Variants in CDC20B observed in about 807,000 individuals in gnomAD.
CDC20B encodes the protein cell division cycle protein 20 homolog B.
CDC20B carries 58 observed loss-of-function variants against 64.1 expected under a neutral mutation model. The observed-to-expected ratio is 0.90, with a 90% CI of 0.73 to 1.13. The LOEUF (loss-of-function observed/expected upper bound fraction) is 1.13. Ranked by LOEUF, CDC20B falls within the 50% of genes most tolerant of loss-of-function variation. The pLI is 0.00. For synonymous variants in CDC20B, 243 were observed against 230.6 expected (o/e 1.05, Z -0.49); for missense variants, 597 against 633.0 (o/e 0.94, Z 0.61).
intron 2 of CDC20B, chr5:55,160,204 T>C: frequency 1.2e-6 from 2 of 1,613,914 alleles, no homozygotes; most frequent in Non-Finnish European, 1.7e-6. Flanking sequence ...TGGAGCCTCT[T>C]GCAGCTTACC....
At chr5:55,126,869 A>G (rs1742906163) in intron 8 of CDC20B, among the ~76,000 whole-genome samples, 1 of 152,250 alleles carries the variant, frequency 6.6e-6, no homozygotes, top group Admixed American at 6.5e-5. Flanking sequence ...CTGTGGGTCT[A>G]TGAATTGGAA....
intron 11 of CDC20B, among the ~76,000 whole-genome samples, chr5:55,119,171 C>T (rs956867390): frequency 3.3e-5 from 5 of 152,144 alleles, no homozygotes; most frequent in East Asian, 1.9e-4. Flanking sequence ...GTTCTTGCAT[C>T]GACCACCAGT....
At chr5:55,169,703 C>T (rs1744525554) in intron 2 of CDC20B, among the ~76,000 whole-genome samples, 2 of 152,162 alleles carry the variant, frequency 1.3e-5, no homozygotes, top group African/African-American at 4.8e-5. Context: ...CTTGATATTT[C>T]AAGTGAAAAA....
intron 8 of CDC20B, chr5:55,126,466 C>CAAAAAGAAA (rs1742893948): frequency 1.0e-5 from 1 of 95,330 alleles, no homozygotes; most frequent in Admixed American, 1.3e-4. Flanking sequence ...GATTCCATGT[C>CAAAAAGAAA]AAAAAAAAAA....
intron 2 of CDC20B, chr5:55,161,167 A>C (rs1266380065): frequency 2.5e-6 from 4 of 1,614,114 alleles, no homozygotes; most frequent in Non-Finnish European, 3.4e-6. Context: ...AATCTTTTGC[A>C]AGAAAAAACT....
intron 2 of CDC20B, 89 bp downstream of exon 2, chr5:55,172,499 C>T: frequency 1.8e-6 from 2 of 1,111,882 alleles, no homozygotes; most frequent in Non-Finnish European, 2.7e-6. Flanking sequence ...CAGACCAGCT[C>T]AAACTTCCTA....
At chr5:55,142,797 T>C (rs1293188282) in intron 4 of CDC20B, among the ~76,000 whole-genome samples, 1 of 152,178 alleles carries the variant, frequency 6.6e-6, no homozygotes, top group African/African-American at 2.4e-5. Flanking sequence ...ATTATTCTTC[T>C]AGCAAAATAG....
At chr5:55,139,334 C>T (rs1164305590) in intron 5 of CDC20B, among the ~76,000 whole-genome samples, 1 of 151,972 alleles carries the variant, frequency 6.6e-6, no homozygotes, top group Non-Finnish European at 1.5e-5. Context: ...ACATAGCTGC[C>T]CAAAAATAGT....
At chr5:55,168,412 C>T (rs1246883349) in intron 2 of CDC20B, among the ~76,000 whole-genome samples, 1 of 151,994 alleles carries the variant, frequency 6.6e-6, no homozygotes, top group Non-Finnish European at 1.5e-5. Context: ...TCCCTTTTCC[C>T]TCTGCTTGAC....
At position 55,134,514 on chromosome 5, in the gene CDC20B, G is replaced by A. The variant is rs576342128; in HGVS notation, c.581-986C>T. Among the ~76,000 whole-genome samples, 3 of 152,264 alleles carry A rather than the reference G, an allele frequency of 2.0e-5. No homozygotes were observed. In the South Asian group the frequency reaches 6.2e-4, roughly 32 times the overall value. ...ACGGTGGCTCATGCCTGTAATCTCA[G>A]CACTTTAGGAGCTGAGGCAGGCAGA... is the stretch of plus-strand genomic sequence containing the variant. On this transcript the variant is annotated intron_variant, in intron 5 of 11. Transcript: ENST00000381375.
At chr5:55,161,989 C>T (rs542086825) in intron 2 of CDC20B, among the ~76,000 whole-genome samples, 12 of 151,432 alleles carry the variant, frequency 7.9e-5, no homozygotes, top group Non-Finnish European at 1.6e-4. Flanking sequence ...TCAATAGTAC[C>T]GCCTTCTTAA....
In CDC20B at chr5:55,128,402, A is replaced by G. The variant is rs1580341936; in HGVS notation, c.894+19T>C. The G allele has an allele frequency of 6.4e-6, 10 of 1,568,066 alleles. No homozygotes were observed. Among genetic ancestry groups the G allele is most frequent in the Non-Finnish European group, 8.6e-6 (10 of 1,167,438 alleles). The stretch of plus-strand genomic sequence containing the variant: ...AATACACAGAGAACATGATGAGAAA[A>G]AAAAAAACTGGCCAGTACTTGCACT... On this transcript the variant is annotated intron_variant, in intron 7 of 11. Coordinates refer to ENST00000381375, the MANE Select transcript of CDC20B (RefSeq NM_001170402.1).
intron 2 of CDC20B, among the ~76,000 whole-genome samples, chr5:55,157,436 A>G (rs2111920336): frequency 6.6e-6 from 1 of 152,336 alleles, no homozygotes; most frequent in South Asian, 2.1e-4. Flanking sequence ...ATGTTTGGTT[A>G]ATGGGTCAGT....
chr5:55,119,634 A>G (rs557807798), intron 11 of CDC20B, among the ~76,000 whole-genome samples, 167 bp downstream of exon 11: 1 of 152,326 alleles, frequency 6.6e-6, no homozygotes, highest in African/African-American at 2.4e-5. Flanking sequence ...ATTCAGAAAC[A>G]TTCAACTATA....
intron 9 of CDC20B, among the ~76,000 whole-genome samples, chr5:55,124,531 A>T (rs1742828030): frequency 3.3e-5 from 5 of 152,186 alleles, no homozygotes; most frequent in Admixed American, 2.0e-4. Context: ...AGCTGTATGT[A>T]CCCAGGACTC....
chr5:55,122,544 T>C (rs765846305), intron 9 of CDC20B, among the ~76,000 whole-genome samples: 30 of 152,196 alleles, frequency 2.0e-4, no homozygotes, highest in Non-Finnish European at 3.5e-4. Flanking sequence ...CCTCCATCAA[T>C]AGGTACAATC....
intron 2 of CDC20B, among the ~76,000 whole-genome samples, chr5:55,154,804 A>G (rs2111912589): frequency 6.6e-6 from 1 of 152,362 alleles, no homozygotes; most frequent in East Asian, 1.9e-4. Flanking sequence ...GGTTTGATGT[A>G]AAGTTTTCCT....
chr5:55,150,216 G>A (rs751060772), intron 2 of CDC20B, among the ~76,000 whole-genome samples: 1 of 152,184 alleles, frequency 6.6e-6, no homozygotes, highest in Non-Finnish European at 1.5e-5. Flanking sequence ...TTTTAAAAAT[G>A]GTAACATAGG....
chr5:55,148,590 TGTA>T (rs1386035766), intron 2 of CDC20B, among the ~76,000 whole-genome samples: 2 of 152,192 alleles, frequency 1.3e-5, no homozygotes, highest in African/African-American at 4.8e-5. Flanking sequence ...GGTGTGTACT[TGTA>T]GTCCTAGCTA....
Sources: gnomAD v4.1 joint callset for allele counts (sites outside exome capture counted in the v4.1 genomes callset) on GRCh38, gnomAD v4.1.1 for gene constraint, MANE v1.5 for transcripts, NCBI Gene and HGNC (gene_info 2026-07-23, HGNC 2026-07-21) for gene names.